Variants in LRRC4C observed in about 807,000 individuals in gnomAD.
LRRC4C encodes the protein leucine rich repeat containing 4C, also known as leucine-rich repeat-containing protein 4C.
A neutral mutation model predicts 33.6 loss-of-function variants in LRRC4C; 5 were observed. The observed-to-expected ratio is 0.15, with a 90% CI of 0.08 to 0.31. The LOEUF (loss-of-function observed/expected upper bound fraction) is 0.31. LRRC4C is among the 10% of genes least tolerant of loss of function. The probability of loss-of-function intolerance (pLI) is 1.00; values close to 1 mark genes in which losing one functional copy is unlikely to be tolerated. For synonymous variants in LRRC4C, 329 were observed against 302.0 expected (o/e 1.09, Z -0.93); for missense variants, 560 against 796.7 (o/e 0.70, Z 3.58).
chr11:40,894,996 T>A (rs1301311803), intron 2 of LRRC4C, among the ~76,000 whole-genome samples: 1 of 152,208 alleles, frequency 6.6e-6, no homozygotes, highest in Non-Finnish European at 1.5e-5. Context: ...TTGTAAAGTA[T>A]AATGTTAATA....
chr11:41,409,956 A>T (rs2138201398), intron 1 of LRRC4C, among the ~76,000 whole-genome samples: 1 of 152,336 alleles, frequency 6.6e-6, no homozygotes, highest in East Asian at 1.9e-4. Context: ...TGAGAGAAAT[A>T]TGTGCATTTG....
chr11:41,102,783 G>A (rs1941268695), intron 1 of LRRC4C, among the ~76,000 whole-genome samples: 1 of 152,014 alleles, frequency 6.6e-6, no homozygotes, highest in Admixed American at 6.6e-5. Context: ...TCCCAAATAT[G>A]GCATGTGAGA....
In LRRC4C at chr11:41,101,391, GA is replaced by G. The variant is rs528041789; in HGVS notation, c.-495-167669del. On this transcript the variant is annotated intron_variant, in intron 1 of 6. Transcript: ENST00000528697. ...ATATACATGTGGGCAACAAGCGTAT[GA>G]AAAAAAGCTCAGTATCACTGATCAT... is the stretch of plus-strand genomic sequence containing the variant. 5.3e-4 allele frequency among the ~76,000 whole-genome samples: 81 copies of G among 152,208 alleles called. 1 individual carries two copies. The highest frequency in any genetic ancestry group is 1.8e-3 in the African/African-American group (74 of 41,540).
chr11:41,445,464 G>A (rs1027121050), intron 1 of LRRC4C, among the ~76,000 whole-genome samples: 1 of 152,090 alleles, frequency 6.6e-6, no homozygotes, highest in African/African-American at 2.4e-5. Flanking sequence ...CTATAAAAGG[G>A]AGTCACTGGG....
chr11:40,521,498 G>T (rs1432329664), intron 3 of LRRC4C, among the ~76,000 whole-genome samples: 1 of 152,032 alleles, frequency 6.6e-6, no homozygotes, highest in Non-Finnish European at 1.5e-5. Flanking sequence ...AATATGTATT[G>T]AATTCATATT....
At chr11:40,994,792 T>C (rs1363787885) in intron 1 of LRRC4C, among the ~76,000 whole-genome samples, 1 of 132,804 alleles carries the variant, frequency 7.5e-6, no homozygotes, top group East Asian at 2.2e-4. Context: ...ACTGTCTCTT[T>C]AAGATTTCTC....
At chr11:41,371,940 C>G (rs186190337) in intron 1 of LRRC4C, among the ~76,000 whole-genome samples, 270 of 152,320 alleles carry the variant, frequency 1.8e-3, no homozygotes, top group African/African-American at 6.2e-3. Context: ...TCGAGACCAT[C>G]CTGGCTAACA....
intron 2 of LRRC4C, among the ~76,000 whole-genome samples, chr11:40,787,471 A>G (rs1354323672): frequency 1.3e-5 from 2 of 152,326 alleles, no homozygotes; most frequent in Non-Finnish European, 2.9e-5. Flanking sequence ...TCTCCATTGC[A>G]TGTCTACAGC....
In LRRC4C at chr11:40,624,195, A is replaced by T. The variant is rs191871663; in HGVS notation, c.-270+23947T>A. Reference sequence around the variant, plus strand: ...AGAAGCACATTCTATGATCATGGACATTTCAATATCCTATCCTGCAATCAC... The same window carrying T: ...AGAAGCACATTCTATGATCATGGACTTTTCAATATCCTATCCTGCAATCAC... On this transcript the variant is annotated intron_variant, in intron 3 of 6. Transcript: ENST00000528697. Among the ~76,000 whole-genome samples, 653 of 152,218 alleles carry T rather than the reference A, an allele frequency of 4.3e-3. 19 individuals carry two copies. Among genetic ancestry groups the T allele is most frequent in the Admixed American group, 0.032 (483 of 15,262 alleles).
intron 5 of LRRC4C, among the ~76,000 whole-genome samples, chr11:40,230,622 G>T (rs915801042): frequency 6.6e-6 from 1 of 152,150 alleles, no homozygotes; most frequent in Non-Finnish European, 1.5e-5. Flanking sequence ...TTTATTTTAA[G>T]CAGAATGAAT....
intron 3 of LRRC4C, among the ~76,000 whole-genome samples, chr11:40,321,745 T>G (rs1590309935): frequency 6.6e-6 from 1 of 152,218 alleles, no homozygotes; most frequent in East Asian, 1.9e-4. Flanking sequence ...TCAGTTGATA[T>G]TGATCTTTTC....
chr11:41,017,300 T>C (rs1391751651), intron 1 of LRRC4C, among the ~76,000 whole-genome samples: 2 of 152,200 alleles, frequency 1.3e-5, no homozygotes, highest in African/African-American at 2.4e-5. Context: ...ATTTCTGTTA[T>C]ATTCATTTGA....
chr11:40,590,476 C>T (rs1025098615), intron 3 of LRRC4C, among the ~76,000 whole-genome samples: 2 of 152,000 alleles, frequency 1.3e-5, no homozygotes, highest in African/African-American at 4.8e-5. Context: ...CTTCTCTCAG[C>T]TCGTCAAAGT....
At chr11:40,475,244 A>G (rs1031730242) in intron 3 of LRRC4C, among the ~76,000 whole-genome samples, 1 of 152,208 alleles carries the variant, frequency 6.6e-6, no homozygotes, top group Non-Finnish European at 1.5e-5. Flanking sequence ...AATGTGGCAC[A>G]TATACACCAT....
At chr11:41,178,662 C>G (rs1945312347) in intron 1 of LRRC4C, among the ~76,000 whole-genome samples, 1 of 152,086 alleles carries the variant, frequency 6.6e-6, no homozygotes, top group East Asian at 1.9e-4. Flanking sequence ...TAGCCCCAGA[C>G]TTTCTAAATC....
chr11:40,454,348 G>T (rs1171960780), intron 3 of LRRC4C, among the ~76,000 whole-genome samples: 1 of 151,804 alleles, frequency 6.6e-6, no homozygotes, highest in African/African-American at 2.4e-5. Context: ...AAATATGAGA[G>T]CTATAGAATA....
chr11:40,757,603 T>TG (rs1357226285), intron 2 of LRRC4C, among the ~76,000 whole-genome samples: 8 of 151,710 alleles, frequency 5.3e-5, no homozygotes, highest in African/African-American at 1.4e-4. Flanking sequence ...CTTTGAGTTT[T>TG]TTTTTTTTTT....
At chr11:40,203,751 G>A (rs1334514785) in intron 5 of LRRC4C, among the ~76,000 whole-genome samples, 2 of 152,094 alleles carry the variant, frequency 1.3e-5, no homozygotes, top group Admixed American at 6.6e-5. Context: ...ATTTCAGACC[G>A]ATCCAAGCTC....
At chr11:40,715,139 A>G (rs183680018) in intron 2 of LRRC4C, among the ~76,000 whole-genome samples, 63 of 152,350 alleles carry the variant, frequency 4.1e-4, no homozygotes, top group African/African-American at 1.5e-3. Context: ...TGTAGTGAAA[A>G]GAATGAGCTG....
Sources: gnomAD v4.1 joint callset for allele counts (sites outside exome capture counted in the v4.1 genomes callset) on GRCh38, gnomAD v4.1.1 for gene constraint, MANE v1.5 for transcripts, NCBI Gene and HGNC (gene_info 2026-07-23, HGNC 2026-07-21) for gene names.